The following ALG11 variants were observed in gnomAD, a reference collection of about 807,000 sequenced individuals.
ALG11 encodes GDP-Man:Man(3)GlcNAc(2)-PP-Dol alpha-1,2-mannosyltransferase.
A neutral mutation model predicts 38.8 loss-of-function variants in ALG11; 26 were observed. The ratio of observed to expected loss-of-function variants is 0.67; its 90% CI spans 0.49 to 0.93. ALG11 has a LOEUF of 0.93. ALG11 is among the 40% of genes least tolerant of loss of function. The probability of loss-of-function intolerance (pLI) is 0.00; values close to 1 mark genes in which losing one functional copy is unlikely to be tolerated. For synonymous variants in ALG11, 199 were observed against 211.6 expected (o/e 0.94, Z 0.52); for missense variants, 535 against 578.8 (o/e 0.92, Z 0.78).
chr13:52,024,358 G>T lies in ALG11; in HGVS notation c.628G>T (p.Val210Leu). The change falls in exon 3 of 4, where the codon GTG becomes TTG. Residue 210 changes from valine to leucine, a missense_variant. Coordinates refer to ENST00000521508, the MANE Select transcript of ALG11 (RefSeq NM_001004127.3). ...PTISTDMLSVVKNQNIGFNNA... is the reference protein window; with the variant it reads ...PTISTDMLSVLKNQNIGFNNA... ...TATCAGCACCGACATGCTCTCTGTA[G>T]TGAAGAATCAAAATATTGGATTTAA... 4.3e-6 allele frequency: 7 copies of T among 1,614,116 alleles called. No homozygotes were observed. Among genetic ancestry groups the T allele is most frequent in the Non-Finnish European group, 5.9e-6 (7 of 1,179,980 alleles).
In ALG11 at chr13:52,030,454, G is replaced by T; in HGVS notation, c.*1864G>T. The T allele has an allele frequency of 6.2e-7, 1 of 1,614,226 alleles. No homozygotes were observed. Among genetic ancestry groups the T allele is most frequent in the South Asian group, 1.1e-5 (1 of 91,088 alleles). ...ATCGGCCTGATGCCCCTAAGGAGAA[G>T]AAAGAGAAGGAGCAACTGATCAACC... is the stretch of plus-strand genomic sequence containing the variant. On this transcript the variant is annotated 3_prime_UTR_variant, in exon 4 of 4. Transcript: ENST00000521508.
chr13:52,028,559 T>A lies in ALG11; in HGVS notation c.1448T>A (p.Phe483Tyr). Residue 483 changes from phenylalanine (F) to tyrosine (Y), a missense_variant, in exon 4 of 4, where the codon TTC (phenylalanine) becomes TAC (tyrosine). Transcript: ENST00000521508. The part of the protein sequence containing the change: ...RFSDQEFEVT[F>Y]LSSVEKLFK ...TCTGATCAGGAATTTGAAGTGACAT[T>A]CCTATCATCTGTGGAAAAGTTATTT... 1 of 1,614,184 alleles carries A rather than the reference T, an allele frequency of 6.2e-7. No individual in the cohort carries two copies. Among genetic ancestry groups the A allele is most frequent in the Non-Finnish European group, 8.5e-7 (1 of 1,179,992 alleles).
At position 52,019,112 on chromosome 13, in the gene ALG11, T is replaced by G; in HGVS notation, c.244T>G (p.Leu82Val). The change falls in exon 2 of 4, where the codon TTA becomes GTA. Residue 82 changes from leucine to valine, a missense_variant. Physicochemically the swap from Leu to Val is conservative, Grantham distance 32 (BLOSUM62 1). Transcript: ENST00000521508. ...CNAGGGGERV[L>V]WCALRALQKK... ...TGCTGGTGGAGGAGGAGAAAGAGTT[T>G]TATGGTGTGCTTTAAGAGCCCTGCA... 6.2e-7 allele frequency: 1 copy of G among 1,614,082 alleles called. No individual in the cohort carries two copies. Among genetic ancestry groups the G allele is most frequent in the Non-Finnish European group, 8.5e-7 (1 of 1,179,982 alleles).
intron 2 of ALG11, chr13:52,022,614 G>A (rs1176785721): frequency 1.3e-5 from 2 of 151,804 alleles, no homozygotes; most frequent in African/African-American, 4.8e-5. Flanking sequence ...TTCTCCACTG[G>A]ACTGAACTTC....
At chr13:52,018,505 G>A (rs1342780806) in intron 1 of ALG11, among the ~76,000 whole-genome samples, 1 of 152,174 alleles carries the variant, frequency 6.6e-6, no homozygotes, top group Admixed American at 6.5e-5. Flanking sequence ...GTGGAATATT[G>A]ATCGTTCAAA....
rs3825528 is a variant in ALG11, at chr13:52,028,783, A to C, written c.*193A>C. 0.49 allele frequency: 789,910 copies of C among 1,613,694 alleles called. 200,025 individuals carry two copies. Among genetic ancestry groups the C allele is most frequent in the Non-Finnish European group, 0.52 (618,072 of 1,179,740 alleles). ...CCTTCGGCTTCCATTCTTGGTATACATGAGAGAGGCTGGCTGCTGAGATGA... is the reference window on the plus strand; with the variant it reads ...CCTTCGGCTTCCATTCTTGGTATACCTGAGAGAGGCTGGCTGCTGAGATGA... On this transcript the variant is annotated 3_prime_UTR_variant, in exon 4 of 4. Transcript: ENST00000521508.
In ALG11 at chr13:52,024,334, A is replaced by G. The variant is rs750515209; in HGVS notation, c.604A>G (p.Ile202Val). The G allele has an allele frequency of 1.2e-5, 19 of 1,614,058 alleles. No individual in the cohort carries two copies. The highest frequency in any genetic ancestry group is 3.3e-4 in the Middle Eastern group (2 of 6,084). ...TGGAAGCTATGTTCATTATCCTACT[A>G]TCAGCACCGACATGCTCTCTGTAGT... The part of the protein sequence containing the change: ...QVGSYVHYPT[I>V]STDMLSVVKN... The change falls in exon 3 of 4, where the codon ATC (isoleucine) becomes GTC (valine). Residue 202 changes from isoleucine to valine, a missense_variant. Ile to Val is a conservative substitution (Grantham distance 29, BLOSUM62 3). Coordinates refer to ENST00000521508, the MANE Select transcript of ALG11 (RefSeq NM_001004127.3).
rs3742291 is a variant in ALG11 at position 52,029,639 on chromosome 13, C to T, written c.*1049C>T. The T allele has an allele frequency of 0.67, 1,076,058 of 1,613,934 alleles. 366,748 individuals are homozygous for T. Among genetic ancestry groups the T allele is most frequent in the Non-Finnish European group, 0.7 (831,242 of 1,179,996 alleles). On this transcript the variant is annotated 3_prime_UTR_variant, in exon 4 of 4. Coordinates refer to ENST00000521508, the MANE Select transcript of ALG11 (RefSeq NM_001004127.3). Reference sequence around the variant, plus strand: ...ACAGAAGGTTAATCCAACTGTGGCACTGGAAGAAATGGAAAAAATTGAAAA... The same window carrying T: ...ACAGAAGGTTAATCCAACTGTGGCATTGGAAGAAATGGAAAAAATTGAAAA...
intron 2 of ALG11, among the ~76,000 whole-genome samples, chr13:52,020,118 A>G (rs1954172179): frequency 6.6e-6 from 1 of 152,222 alleles, no homozygotes; most frequent in Non-Finnish European, 1.5e-5. Flanking sequence ...GTTGTGGCAC[A>G]CAGGAATAAT....
intron 1 of ALG11, among the ~76,000 whole-genome samples, chr13:52,013,902 T>A (rs1954112301): frequency 6.6e-6 from 1 of 152,208 alleles, no homozygotes; most frequent in Admixed American, 6.5e-5. Context: ...TTTTACTATG[T>A]TGATAAGTGC....
rs751255090 is a variant in ALG11 at position 52,028,399 on chromosome 13, C to G, written c.1288C>G (p.His430Asp). Residue 430 changes from histidine (H) to aspartate (D), a missense_variant, in exon 4 of 4, where the codon CAC becomes GAC. Physicochemically the swap from His to Asp is moderately conservative, Grantham distance 81. Transcript: ENST00000521508. ...GGPKLDIVVP[H>D]EGDITGFLAE... ...CCCAAAGCTTGACATTGTGGTTCCT[C>G]ACGAAGGAGATATAACTGGCTTTCT... is the stretch of plus-strand genomic sequence containing the variant. 1.9e-6 allele frequency: 3 copies of G among 1,614,004 alleles called. No homozygotes were observed. Among genetic ancestry groups the G allele is most frequent in the Admixed American group, 3.3e-5 (2 of 60,006 alleles).
At position 52,028,989 on chromosome 13, in the gene ALG11, A is replaced by C; in HGVS notation, c.*399A>C. On this transcript the variant is annotated 3_prime_UTR_variant, in exon 4 of 4. Coordinates refer to ENST00000521508, the MANE Select transcript of ALG11 (RefSeq NM_001004127.3). ...GGAAAGAATAGGCGGAAATTGGCTG[A>C]GAGGTCTGAGGCTAGTCTGAAAGTG... is the stretch of plus-strand genomic sequence containing the variant. 1 of 1,614,276 alleles carries C rather than the reference A, an allele frequency of 6.2e-7. No homozygotes were observed. The highest frequency in any genetic ancestry group is 8.5e-7 in the Non-Finnish European group (1 of 1,180,044).
rs544549377 is a variant in ALG11 at position 52,031,566 on chromosome 13, C to T, written c.*2976C>T. 17 of 177,320 alleles carry T rather than the reference C, an allele frequency of 9.6e-5. No individual in the cohort carries two copies. The South Asian group carries it at 2.8e-3, about 29-fold the overall frequency. 11.0% of individuals were successfully genotyped at this position (177,320 alleles called of 1,614,324 possible). A position where few individuals can be genotyped will look rare whatever the true frequency, so the allele number is the denominator to read the frequency against. On this transcript the variant is annotated 3_prime_UTR_variant, in exon 4 of 4. Transcript: ENST00000521508. ...CACATTTGTGTGGGTCTCTCATTGT[C>T]CCTTAACAGTGCCGCATCTCAGCCT...
chr13:52,015,523 C>T (rs1366785526), intron 1 of ALG11, among the ~76,000 whole-genome samples: 1 of 152,148 alleles, frequency 6.6e-6, no homozygotes, highest in Non-Finnish European at 1.5e-5. Flanking sequence ...AATTTTATCT[C>T]CCAGAATGCC....
In ALG11 at chr13:52,026,396, G is replaced by A. The variant is rs942938611; in HGVS notation, c.1207+1459G>A. Among the ~76,000 whole-genome samples the A allele has an allele frequency of 7.9e-5, 12 of 152,204 alleles. No homozygotes were observed. The East Asian group carries it at 1.9e-3, about 24-fold the overall frequency. On this transcript the variant is annotated intron_variant, in intron 3 of 3. Coordinates refer to ENST00000521508, the MANE Select transcript of ALG11 (RefSeq NM_001004127.3). ...AATAGCAGGATTTTAAGTATTGCACGTAAAAGCTTTCTGATTTCTCCAGTC... is the reference window on the plus strand; with the variant it reads ...AATAGCAGGATTTTAAGTATTGCACATAAAAGCTTTCTGATTTCTCCAGTC...
rs142850380 is a variant in ALG11, at chr13:52,014,107, T to C, written c.44+1645T>C. On this transcript the variant is annotated intron_variant, in intron 1 of 3. Transcript: ENST00000521508. ...ATATATTTTAAACATAAGATCAATA[T>C]ATATTAAAATATACTCCCTTTTCCT... Among the ~76,000 whole-genome samples the C allele has an allele frequency of 4.8e-4, 73 of 152,324 alleles. 2 individuals are homozygous for C. The East Asian group carries it at 0.012, about 25-fold the overall frequency.
rs1316900191 is a variant in ALG11 at position 52,028,491 on chromosome 13, A to T, written c.1380A>T (p.Arg460Ser). ...TTCTTTCCATGTCTGCAGAAAAGAG[A>T]CTCCAAATCAGAAAAAGTGCTCGTG... ...AHILSMSAEKRLQIRKSARAS... is the reference protein window; with the variant it reads ...AHILSMSAEKSLQIRKSARAS... The change falls in exon 4 of 4, where the codon AGA becomes AGT. Residue 460 changes from arginine (R) to serine (S), a missense_variant. Transcript: ENST00000521508. 1 of 1,614,030 alleles carries T rather than the reference A, an allele frequency of 6.2e-7. No individual in the cohort carries two copies. Among genetic ancestry groups the T allele is most frequent in the Non-Finnish European group, 8.5e-7 (1 of 1,180,042 alleles).
chr13:52,012,620 T>G (rs1422238992), intron 1 of ALG11, among the ~76,000 whole-genome samples, 158 bp downstream of exon 1: 1 of 152,178 alleles, frequency 6.6e-6, no homozygotes, highest in Non-Finnish European at 1.5e-5. Context: ...CTTGGGGGTC[T>G]TCTATATAGA....
rs1244276468 is a variant in ALG11, at chr13:52,031,419, AG to A, written c.*2830del. On this transcript the variant is annotated 3_prime_UTR_variant, in exon 4 of 4. Coordinates refer to ENST00000521508, the MANE Select transcript of ALG11 (RefSeq NM_001004127.3). ...GTTTAATCGTGTTCTCAAAGCATAC[AG>A]TCAAGAGGTGGGACTGACTGATGCT... The A allele has an allele frequency of 3.1e-6, 1 of 319,684 alleles. No homozygotes were observed. Among genetic ancestry groups the A allele is most frequent in the African/African-American group, 2.1e-5 (1 of 47,150 alleles). The allele number at this position is 319,684 out of a possible 1,614,324, so 19.8% of individuals were successfully genotyped here.
Sources: allele counts gnomAD v4.1 joint callset (sites outside exome capture counted in the v4.1 genomes callset), GRCh38; gene constraint gnomAD v4.1.1; transcripts MANE v1.5; gene names NCBI Gene and HGNC (gene_info 2026-07-23, HGNC 2026-07-21).